The following MAP3K3 variants were observed in gnomAD, a reference collection of about 807,000 sequenced individuals.
MAP3K3 encodes the protein MAP/ERK kinase kinase 3.
Under a neutral mutation model 80.9 loss-of-function variants are expected in MAP3K3, and 12 were observed. The observed-to-expected ratio is 0.15, with a 90% CI of 0.10 to 0.24. The LOEUF (loss-of-function observed/expected upper bound fraction) is 0.24, where lower values mean the gene tolerates loss of function less well. MAP3K3 is among the 10% of genes least tolerant of loss of function. The probability of loss-of-function intolerance (pLI) is 1.00; values close to 1 mark genes in which losing one functional copy is unlikely to be tolerated. For missense variants in MAP3K3, 596 were observed against 834.7 expected (o/e 0.71, Z 3.52); for synonymous variants, 272 against 307.1 (o/e 0.89, Z 1.19).
chr17:63,684,744 G>A (rs759188734), intron 7 of MAP3K3, among the ~76,000 whole-genome samples: 6 of 152,026 alleles, frequency 3.9e-5, no homozygotes, highest in African/African-American at 7.3e-5. Context: ...CTTCCCTCTC[G>A]GCTCCCAAAG....
intron 6 of MAP3K3, among the ~76,000 whole-genome samples, chr17:63,669,459 T>C (rs946520889): frequency 1.3e-5 from 2 of 151,884 alleles, no homozygotes; most frequent in African/African-American, 4.8e-5. Flanking sequence ...CATTATAATA[T>C]TTATTATGTT....
intron 6 of MAP3K3, among the ~76,000 whole-genome samples, chr17:63,675,637 G>A (rs562778277): frequency 6.6e-6 from 1 of 152,320 alleles, no homozygotes; most frequent in South Asian, 2.1e-4. Flanking sequence ...CTTAAACCCC[G>A]CTTTTCTCCT....
At chr17:63,640,844 G>C (rs2034425559) in intron 2 of MAP3K3, among the ~76,000 whole-genome samples, 2 of 152,146 alleles carry the variant, frequency 1.3e-5, no homozygotes, top group Non-Finnish European at 2.9e-5. Context: ...TCTGTTCCTA[G>C]CTCTTGGTCA....
At chr17:63,640,730 A>T (rs938822292) in intron 2 of MAP3K3, among the ~76,000 whole-genome samples, 2 of 152,190 alleles carry the variant, frequency 1.3e-5, no homozygotes, top group Non-Finnish European at 1.5e-5. Flanking sequence ...CAGTACAAGG[A>T]GGGGGAGAAC....
intron 2 of MAP3K3, among the ~76,000 whole-genome samples, chr17:63,642,627 C>T (rs560471088): frequency 6.6e-6 from 1 of 152,168 alleles, no homozygotes; most frequent in African/African-American, 2.4e-5. Flanking sequence ...CACTGCACTC[C>T]AGCCTGGGCA....
At position 63,652,665 on chromosome 17, in the gene MAP3K3, G is replaced by T; in HGVS notation, c.267+9G>T. On this transcript the variant is annotated intron_variant, in intron 4 of 15. Coordinates refer to ENST00000361733, the MANE Select transcript of MAP3K3 (RefSeq NM_002401.5). ...ATTACATGAACAATGAGGTGAGAAG[G>T]CAGATGGATGGGGCAGGGACAAGAG... is the stretch of plus-strand genomic sequence containing the variant. 6.3e-7 allele frequency: 1 copy of T among 1,578,888 alleles called. No individual in the cohort carries two copies. The highest frequency in any genetic ancestry group is 8.7e-7 in the Non-Finnish European group (1 of 1,147,990).
At chr17:63,631,631 T>C (rs2143169475) in intron 1 of MAP3K3, among the ~76,000 whole-genome samples, 1 of 152,316 alleles carries the variant, frequency 6.6e-6, no homozygotes, top group Non-Finnish European at 1.5e-5. Flanking sequence ...TTGTACAACA[T>C]GGAATTGGAC....
intron 5 of MAP3K3, among the ~76,000 whole-genome samples, chr17:63,658,969 C>T (rs2034829299): frequency 6.6e-6 from 1 of 152,172 alleles, no homozygotes; most frequent in Admixed American, 6.5e-5. Context: ...TTCCTGACCT[C>T]AGGTGATCCA....
At chr17:63,631,376 C>A (rs1254920208) in intron 1 of MAP3K3, among the ~76,000 whole-genome samples, 1 of 152,110 alleles carries the variant, frequency 6.6e-6, no homozygotes, top group Non-Finnish European at 1.5e-5. Flanking sequence ...TTTCTTTCCA[C>A]AGGGTATTAG....
At chr17:63,631,824 C>G (rs532755630) in intron 1 of MAP3K3, among the ~76,000 whole-genome samples, 1 of 152,216 alleles carries the variant, frequency 6.6e-6, no homozygotes, top group South Asian at 2.1e-4. Context: ...AAGTAGTAGG[C>G]CTATAAACTT....
At chr17:63,635,644 G>A (rs565270633) in intron 2 of MAP3K3, among the ~76,000 whole-genome samples, 6 of 152,314 alleles carry the variant, frequency 3.9e-5, no homozygotes, top group Admixed American at 2.0e-4. Flanking sequence ...TTATAGCCTA[G>A]TATAATGAAA....
intron 1 of MAP3K3, among the ~76,000 whole-genome samples, chr17:63,632,146 A>G (rs1259544980): frequency 3.9e-5 from 6 of 152,094 alleles, no homozygotes; most frequent in Non-Finnish European, 8.8e-5. Flanking sequence ...CTTCCCTGCA[A>G]TGAATTGGTA....
intron 5 of MAP3K3, among the ~76,000 whole-genome samples, chr17:63,663,750 G>A (rs2034942386): frequency 6.6e-6 from 1 of 152,006 alleles, no homozygotes; most frequent in Non-Finnish European, 1.5e-5. Context: ...TTTAAAATCA[G>A]TCGTGGTGGC....
At chr17:63,669,620 A>G (rs1598100192) in intron 6 of MAP3K3, among the ~76,000 whole-genome samples, 1 of 152,004 alleles carries the variant, frequency 6.6e-6, no homozygotes, top group East Asian at 1.9e-4. Context: ...ACTCCCTGCT[A>G]ATTTTTGTGT....
At chr17:63,635,842 A>G (rs538935665) in intron 2 of MAP3K3, among the ~76,000 whole-genome samples, 2 of 152,330 alleles carry the variant, frequency 1.3e-5, no homozygotes, top group South Asian at 2.1e-4. Flanking sequence ...ATCAAAACCT[A>G]ATTTAAATGG....
chr17:63,639,993 A>G (rs886676632), intron 2 of MAP3K3, among the ~76,000 whole-genome samples: 1 of 152,134 alleles, frequency 6.6e-6, no homozygotes, highest in Non-Finnish European at 1.5e-5. Context: ...AGAGTCTTAT[A>G]CCGGAGGTCT....
At chr17:63,636,273 TG>T in intron 2 of MAP3K3, among the ~76,000 whole-genome samples, 1 of 152,282 alleles carries the variant, frequency 6.6e-6, no homozygotes, top group African/African-American at 2.4e-5. Context: ...TGGAAGTACA[TG>T]GGCAGTGAGC....
rs920440999 is a variant in MAP3K3, at chr17:63,695,671, C to T, written c.*1894C>T. The T allele has an allele frequency of 2.0e-5, 3 of 152,692 alleles. No homozygotes were observed. Among genetic ancestry groups the T allele is most frequent in the Admixed American group, 2.0e-4 (3 of 15,288 alleles). 9.5% of individuals were successfully genotyped at this position (152,692 alleles called of 1,614,324 possible). A position where few individuals can be genotyped will look rare whatever the true frequency, so the allele number is the denominator to read the frequency against. On this transcript the variant is annotated 3_prime_UTR_variant, in exon 16 of 16. Transcript: ENST00000361733. The surrounding 1 kb of genome is among the most constrained non-coding windows in gnomAD (Gnocchi z 4.1). ...TGGCCCGCACCCCCATCCCCAGTCC[C>T]TGTTCCCCAAGAGGATACAGAGCAC... is the stretch of plus-strand genomic sequence containing the variant.
chr17:63,644,515 G>C (rs1328550270), intron 2 of MAP3K3, among the ~76,000 whole-genome samples: 1 of 152,122 alleles, frequency 6.6e-6, no homozygotes. Context: ...TGTGCCTCTG[G>C]CCTTTAATTG....
Sources: gnomAD v4.1 joint callset for allele counts (sites outside exome capture counted in the v4.1 genomes callset) on GRCh38, gnomAD v4.1.1 for gene constraint, Gnocchi (gnomAD v3.1) non-coding constraint, MANE v1.5 for transcripts, NCBI Gene and HGNC (gene_info 2026-07-23, HGNC 2026-07-21) for gene names.